GLB1L3: variants seen among roughly 807,000 people sequenced by gnomAD.
GLB1L3 encodes beta-galactosidase-1-like protein 3.
A neutral mutation model predicts 89.5 loss-of-function variants in GLB1L3; 89 were observed. The observed-to-expected ratio is 0.99, with a 90% CI of 0.84 to 1.19. The LOEUF (loss-of-function observed/expected upper bound fraction) is 1.19. Among genes scored for constraint, GLB1L3 ranks in the 50% most tolerant of loss-of-function variants. The pLI, the probability that GLB1L3 is intolerant of heterozygous loss-of-function variation, is 0.00. For synonymous variants in GLB1L3, 314 were observed against 312.3 expected, an observed-to-expected ratio of 1.01 and a Z score of -0.06; for missense variants, 812 against 813.3, an observed-to-expected ratio of 1.00 and a Z score of 0.02.
chr11:134,293,139 A>G lies in GLB1L3; in HGVS notation c.812-6A>G. On this transcript the variant is annotated splice_polypyrimidine_tract_variant and splice_region_variant and intron_variant, in intron 8 of 19. Transcript: ENST00000431683. ...CCTCAGCTGGGTCTCTCTCTTCTTT[A>G]TGCAGTGTTGGCCGCCATCAATTTG... is the stretch of plus-strand genomic sequence containing the variant. 1 of 1,612,904 alleles carries G rather than the reference A, an allele frequency of 6.2e-7. No homozygotes were observed. Among genetic ancestry groups the G allele is most frequent in the Non-Finnish European group, 8.5e-7 (1 of 1,179,046 alleles).
At chr11:134,315,025 C>T (rs1942921344) in intron 18 of GLB1L3, among the ~76,000 whole-genome samples, 1 of 152,198 alleles carries the variant, frequency 6.6e-6, no homozygotes, top group South Asian at 2.1e-4. Flanking sequence ...CTCCCAACTG[C>T]TGCCTTGACT....
chr11:134,284,478 A>T lies in GLB1L3; in HGVS notation c.636+633A>T, dbSNP rs187711312. ...CTTGGTGACTCATGCCTATAATCCC[A>T]GCATTTTGGGAGGCCGAGGCAGGGG... is the stretch of plus-strand genomic sequence containing the variant. On this transcript the variant is annotated intron_variant, in intron 6 of 19. Transcript: ENST00000431683. Among the ~76,000 whole-genome samples, 909 of 152,270 alleles carry T rather than the reference A, an allele frequency of 6.0e-3. 10 individuals carry two copies. Among genetic ancestry groups the T allele is most frequent in the African/African-American group, 0.021 (874 of 41,536 alleles).
At chr11:134,285,180 T>C (rs1416687691) in intron 6 of GLB1L3, among the ~76,000 whole-genome samples, 1 of 152,008 alleles carries the variant, frequency 6.6e-6, no homozygotes, top group Non-Finnish European at 1.5e-5. Context: ...CCACCACCTC[T>C]GCCTCCCAAA....
Position 134,312,689 on chromosome 11 carries a change from C to G in GLB1L3, c.1429-127C>G, listed in dbSNP as rs369227852. ...GTCTCTTGGGGCCTCCAGGCAGCTT[C>G]ATGCCATCAGTGAGCACCACAGCTG... is the stretch of plus-strand genomic sequence containing the variant. On this transcript the variant is annotated intron_variant, in intron 14 of 19. Transcript: ENST00000431683. The G allele has an allele frequency of 4.4e-3, 4,246 of 968,544 alleles. 13 individuals are homozygous for G. Among genetic ancestry groups the G allele is most frequent in the Non-Finnish European group, 5.4e-3 (3,388 of 632,566 alleles). 60.0% of individuals were successfully genotyped at this position (968,544 alleles called of 1,614,324 possible). A position where few individuals can be genotyped will look rare whatever the true frequency, so the allele number is the denominator to read the frequency against.
At chr11:134,288,554 AGT>A (rs1176759594) in intron 6 of GLB1L3, among the ~76,000 whole-genome samples, 10 of 152,200 alleles carry the variant, frequency 6.6e-5, no homozygotes, top group African/African-American at 2.4e-4. Flanking sequence ...TTAAGTAGCC[AGT>A]GTGAGAACCA....
At chr11:134,324,898 A>G in the GLB1L3 span, among the ~76,000 whole-genome samples, 1 of 152,128 alleles carries the variant, frequency 6.6e-6, no homozygotes, top group South Asian at 2.1e-4. Flanking sequence ...TTTATTACTT[A>G]TACATTTAAA....
intron 3 of GLB1L3, among the ~76,000 whole-genome samples, chr11:134,279,728 T>C (rs1414020612): frequency 6.6e-6 from 1 of 152,218 alleles, no homozygotes; most frequent in Non-Finnish European, 1.5e-5. Context: ...TGTACTCACT[T>C]GGAAGTTATA....
chr11:134,315,868 TTAGA>T (rs1942955803), intron 18 of GLB1L3, among the ~76,000 whole-genome samples: 1 of 152,220 alleles, frequency 6.6e-6, no homozygotes, highest in African/African-American at 2.4e-5. Flanking sequence ...ACATAGATAC[TTAGA>T]TAATGGACTT....
In GLB1L3 at chr11:134,303,345, A is replaced by T. The variant is rs565643525; in HGVS notation, c.877-3779A>T. On this transcript the variant is annotated intron_variant, in intron 9 of 19. Transcript: ENST00000431683. ...GCTGTCAGTCATTCATATTTCATGT[A>T]ATTCTTGTTAGACTGAAGTTGAACC... 1.1e-4 allele frequency among the ~76,000 whole-genome samples: 16 copies of T among 152,262 alleles called. 1 individual carries two copies. The South Asian group carries it at 3.3e-3, about 32-fold the overall frequency.
intron 9 of GLB1L3, among the ~76,000 whole-genome samples, chr11:134,299,044 G>A (rs1254144924): frequency 6.6e-6 from 1 of 151,984 alleles, no homozygotes; most frequent in Non-Finnish European, 1.5e-5. Context: ...AATTTCTACT[G>A]ACTTATCTTT....
chr11:134,278,172 T>G (rs563213519), intron 3 of GLB1L3, among the ~76,000 whole-genome samples: 1 of 152,298 alleles, frequency 6.6e-6, no homozygotes, highest in African/African-American at 2.4e-5. Context: ...GTCTGTCTAA[T>G]GAAGGAACAC....
At chr11:134,278,055 G>A in intron 3 of GLB1L3, 143 bp downstream of exon 3, 1 of 761,700 alleles carries the variant, frequency 1.3e-6, no homozygotes. Context: ...TAATGCTTAA[G>A]CGTCCAGCTG....
At chr11:134,296,440 C>G (rs1206394262) in intron 9 of GLB1L3, among the ~76,000 whole-genome samples, 1 of 130,854 alleles carries the variant, frequency 7.6e-6, no homozygotes. Context: ...TTGGAACCAA[C>G]CCAAATGTCC....
chr11:134,323,425 A>G (rs1033567708), downstream of GLB1L3, among the ~76,000 whole-genome samples: 1 of 145,886 alleles, frequency 6.9e-6, no homozygotes, highest in South Asian at 2.2e-4. Flanking sequence ...ACACACACAC[A>G]ATTAGTCGGC....
intron 9 of GLB1L3, among the ~76,000 whole-genome samples, chr11:134,302,178 C>A (rs1001496680): frequency 7.2e-5 from 11 of 152,130 alleles, no homozygotes; most frequent in African/African-American, 2.7e-4. Flanking sequence ...CATTTCCAAT[C>A]CTCAGCCCAG....
chr11:134,298,253 A>T (rs1327233537), intron 9 of GLB1L3, among the ~76,000 whole-genome samples: 1 of 152,156 alleles, frequency 6.6e-6, no homozygotes, highest in African/African-American at 2.4e-5. Context: ...AGAAATAATA[A>T]TAATTCTACA....
upstream of GLB1L3, chr11:134,275,954 T>C (rs943326592): frequency 2.0e-5 from 3 of 152,784 alleles, no homozygotes; most frequent in Non-Finnish European, 4.4e-5. Flanking sequence ...AGCCGAGCAA[T>C]CTCCGTAAAA....
Position 134,313,941 on chromosome 11 carries a change from G to A in GLB1L3, c.1580G>A (p.Gly527Glu), listed in dbSNP as rs1942867983. ...FSWQIQNEQKGITGSVSINNS... is the reference protein window; with the variant it reads ...FSWQIQNEQKEITGSVSINNS... ...TCCTGCCTCCCATCTGCATCTGCAG[G>A]AATAACTGGATCTGTCAGCATCAAT... The change falls in exon 17 of 20, where the codon GGA (glycine) becomes GAA (glutamate). Residue 527 changes from glycine to glutamate, a missense_variant and splice_region_variant. Around this residue, in one of 3 missense-constraint regions of GLB1L3, gnomAD observed 618 missense variants for 604.0 expected, o/e 1.02. Transcript: ENST00000431683. 1.2e-6 allele frequency: 2 copies of A among 1,602,964 alleles called. No individual in the cohort carries two copies. The highest frequency in any genetic ancestry group is 1.3e-5 in the African/African-American group (1 of 74,688).
At chr11:134,282,360 C>G in intron 5 of GLB1L3, among the ~76,000 whole-genome samples, 1 of 152,100 alleles carries the variant, frequency 6.6e-6, no homozygotes, top group East Asian at 1.9e-4. Flanking sequence ...AGACGTTGGT[C>G]CTGGGGCCTT....
Sources: gnomAD v4.1 joint callset for allele counts (sites outside exome capture counted in the v4.1 genomes callset) on GRCh38, gnomAD v4.1.1 for gene constraint, gnomAD v4.1.1 regional missense constraint, MANE v1.5 for transcripts, NCBI Gene and HGNC (gene_info 2026-07-23, HGNC 2026-07-21) for gene names.